FHIT: variants seen among roughly 807,000 people sequenced by gnomAD.
The protein encoded by FHIT is bis(5'-adenosyl)-triphosphatase.
Under a neutral mutation model 17.9 loss-of-function variants are expected in FHIT, and 19 were observed. The observed-to-expected ratio is 1.06, with a 90% CI of 0.74 to 1.56. FHIT has a LOEUF of 1.56. Ranked by LOEUF, FHIT falls within the 40% of genes most tolerant of loss-of-function variation. The probability of loss-of-function intolerance (pLI) is 0.00; values close to 1 mark genes in which losing one functional copy is unlikely to be tolerated. For synonymous variants in FHIT, 81 were observed against 69.7 expected (o/e 1.16, Z -0.81); for missense variants, 248 against 189.2 (o/e 1.31, Z -1.82).
chr3:59,781,518 A>G (rs1364392027), intron 8 of FHIT, among the ~76,000 whole-genome samples: 1 of 152,194 alleles, frequency 6.6e-6, no homozygotes, highest in East Asian at 1.9e-4. Flanking sequence ...CCAAGTTACG[A>G]ATTTTGGATG....
chr3:60,600,820 A>G (rs1553668531), intron 4 of FHIT, among the ~76,000 whole-genome samples: 2 of 152,198 alleles, frequency 1.3e-5, no homozygotes, highest in Non-Finnish European at 2.9e-5. Context: ...ACTACAGTAC[A>G]TATTATAGAT....
intron 4 of FHIT, among the ~76,000 whole-genome samples, chr3:60,750,514 A>AAGATCTG (rs1328096283): frequency 2.6e-5 from 4 of 152,256 alleles, no homozygotes; most frequent in African/African-American, 9.6e-5. Flanking sequence ...TCAGTCTCAC[A>AAGATCTG]AGATCTGATG....
intron 5 of FHIT, among the ~76,000 whole-genome samples, chr3:60,384,773 A>G (rs906945437): frequency 6.6e-6 from 1 of 152,020 alleles, no homozygotes; most frequent in Non-Finnish European, 1.5e-5. Context: ...CAGATACACT[A>G]CAAAACTTTA....
chr3:60,123,975 T>A (rs1309936647), intron 5 of FHIT, among the ~76,000 whole-genome samples: 8 of 21,042 alleles, frequency 3.8e-4, no homozygotes, highest in East Asian at 1.5e-3. Context: ...AAAATATATA[T>A]ATATATATAT....
At chr3:59,985,921 T>A (rs1708877807) in intron 7 of FHIT, among the ~76,000 whole-genome samples, 1 of 151,252 alleles carries the variant, frequency 6.6e-6, no homozygotes, top group South Asian at 2.1e-4. Flanking sequence ...CCTGGTCCCC[T>A]CAGTACTATA....
chr3:60,224,886 A>G (rs1704123341), intron 5 of FHIT, among the ~76,000 whole-genome samples: 1 of 151,684 alleles, frequency 6.6e-6, no homozygotes, highest in African/African-American at 2.4e-5. Flanking sequence ...ATGCCTGGCT[A>G]ATTTTTGTAT....
chr3:61,209,595 T>A (rs928176774), intron 1 of FHIT, among the ~76,000 whole-genome samples: 1 of 152,238 alleles, frequency 6.6e-6, no homozygotes, highest in Non-Finnish European at 1.5e-5. Context: ...TTCTTCCAGT[T>A]GATCGCATCG....
At chr3:60,025,644 C>G (rs1575915936) in intron 5 of FHIT, among the ~76,000 whole-genome samples, 1 of 151,418 alleles carries the variant, frequency 6.6e-6, no homozygotes, top group African/African-American at 2.4e-5. Flanking sequence ...ACAAAGGCAG[C>G]TGGACACATA....
At chr3:59,974,507 A>G (rs956944203) in intron 7 of FHIT, among the ~76,000 whole-genome samples, 3 of 152,154 alleles carry the variant, frequency 2.0e-5, no homozygotes, top group Admixed American at 1.3e-4. Flanking sequence ...CATGAGAAAC[A>G]AACACAGACT....
intron 4 of FHIT, among the ~76,000 whole-genome samples, chr3:60,576,113 G>A (rs148778644): frequency 3.3e-5 from 5 of 152,178 alleles, no homozygotes; most frequent in East Asian, 1.9e-4. Context: ...AGACAGAGAC[G>A]GGTAGAAGTT....
intron 7 of FHIT, among the ~76,000 whole-genome samples, chr3:59,964,542 G>A (rs931053206): frequency 6.6e-6 from 1 of 152,074 alleles, no homozygotes; most frequent in Non-Finnish European, 1.5e-5. Context: ...TTGGTGGGAA[G>A]TTTCATCCAC....
chr3:60,066,019 C>T (rs1702487110), intron 5 of FHIT, among the ~76,000 whole-genome samples: 2 of 152,110 alleles, frequency 1.3e-5, no homozygotes, highest in African/African-American at 4.8e-5. Context: ...AAAGAAAATA[C>T]ACCCCTATTT....
At chr3:61,097,866 T>C (rs962473535) in intron 2 of FHIT, among the ~76,000 whole-genome samples, 2 of 152,200 alleles carry the variant, frequency 1.3e-5, no homozygotes, top group Non-Finnish European at 2.9e-5. Context: ...GTTAGATGCA[T>C]AGTTTGCAAA....
chr3:60,214,435 A>G (rs1312768698), intron 5 of FHIT, among the ~76,000 whole-genome samples: 1 of 152,184 alleles, frequency 6.6e-6, no homozygotes, highest in African/African-American at 2.4e-5. Context: ...TAGACTACAC[A>G]TAAATATTTA....
chr3:60,431,804 A>C (rs1197934081), intron 5 of FHIT, among the ~76,000 whole-genome samples: 1 of 152,116 alleles, frequency 6.6e-6, no homozygotes, highest in East Asian at 1.9e-4. Flanking sequence ...TCCAGCTCAG[A>C]GTCTTCTCTT....
chr3:61,230,328 G>A (rs745691901), intron 1 of FHIT, among the ~76,000 whole-genome samples: 2 of 152,042 alleles, frequency 1.3e-5, no homozygotes, highest in Non-Finnish European at 2.9e-5. Flanking sequence ...GTGAGATCTG[G>A]TTGTGCAAAG....
intron 3 of FHIT, among the ~76,000 whole-genome samples, chr3:60,866,604 C>T (rs1704175858): frequency 6.6e-6 from 1 of 152,168 alleles, no homozygotes; most frequent in African/African-American, 2.4e-5. Context: ...TCCTAACTCA[C>T]CAAAATAACA....
At chr3:60,196,828 T>TA (rs35480699) in intron 5 of FHIT, among the ~76,000 whole-genome samples, 31,012 of 148,654 alleles carry the variant, frequency 0.21, 3,522 homozygotes, top group South Asian at 0.31. Flanking sequence ...GTTTTATTTG[T>TA]AAAAAAAAAA....
chr3:60,339,929 G>T (rs772874636), intron 5 of FHIT, among the ~76,000 whole-genome samples: 16 of 152,072 alleles, frequency 1.1e-4, no homozygotes, highest in Non-Finnish European at 1.9e-4. Flanking sequence ...CAAAAGAGGA[G>T]ATTCTGAAAG....
Sources: gnomAD v4.1 joint callset for allele counts (sites outside exome capture counted in the v4.1 genomes callset) on GRCh38, gnomAD v4.1.1 for gene constraint, MANE v1.5 for transcripts, NCBI Gene and HGNC (gene_info 2026-07-23, HGNC 2026-07-21) for gene names.